The following MAP2K4 variants were observed in gnomAD, a reference collection of about 807,000 sequenced individuals.
The protein encoded by MAP2K4 is mitogen-activated protein kinase kinase 4.
MAP2K4 carries 4 observed loss-of-function variants against 48.5 expected under a neutral mutation model. That is an observed-to-expected ratio of 0.08 (90% confidence interval 0.04 to 0.19). MAP2K4 has a LOEUF of 0.19. Among genes scored for constraint, MAP2K4 ranks in the 10% least tolerant of loss-of-function variants. The probability of loss-of-function intolerance (pLI) is 1.00; values close to 1 mark genes in which losing one functional copy is unlikely to be tolerated. For synonymous variants in MAP2K4, 166 were observed against 173.1 expected (o/e 0.96, Z 0.32); for missense variants, 258 against 493.3 (o/e 0.52, Z 4.52).
intron 3 of MAP2K4, among the ~76,000 whole-genome samples, chr17:12,085,267 ATTG>A (rs1971322851): frequency 6.6e-6 from 1 of 152,142 alleles, no homozygotes; most frequent in Non-Finnish European, 1.5e-5. Context: ...TGGAATCTGA[ATTG>A]TTGTGTGAAG....
chr17:12,086,328 TG>T (rs1555547394), intron 3 of MAP2K4, among the ~76,000 whole-genome samples: 1 of 152,106 alleles, frequency 6.6e-6, no homozygotes, highest in Non-Finnish European at 1.5e-5. Context: ...ATATGAAAAG[TG>T]TAAGTAGAGC....
intron 2 of MAP2K4, among the ~76,000 whole-genome samples, chr17:12,080,525 A>T (rs982328113): frequency 2.6e-5 from 4 of 152,130 alleles, no homozygotes; most frequent in Non-Finnish European, 1.5e-5. Flanking sequence ...TTTGGAGATG[A>T]TTTTTTATTT....
chr17:12,107,960 T>TG (rs1972176169), intron 5 of MAP2K4, 51 bp downstream of exon 5: 9 of 1,438,508 alleles, frequency 6.3e-6, no homozygotes, highest in Non-Finnish European at 7.4e-6. Context: ...TATATAGAGA[T>TG]GCTGCTGGAG....
At chr17:12,089,321 C>T (rs534516519) in intron 3 of MAP2K4, among the ~76,000 whole-genome samples, 2 of 152,296 alleles carry the variant, frequency 1.3e-5, no homozygotes, top group Admixed American at 1.3e-4. Flanking sequence ...TAGCAGATTC[C>T]ACATAGATTG....
chr17:12,070,057 A>C (rs192092109), intron 2 of MAP2K4, among the ~76,000 whole-genome samples: 1 of 150,174 alleles, frequency 6.7e-6, no homozygotes, highest in Non-Finnish European at 1.5e-5. Flanking sequence ...TTTGGGAAAG[A>C]AGGTATATTT....
chr17:12,139,866 A>G lies in MAP2K4; in HGVS notation c.1068A>G (p.Pro356=), dbSNP rs748245878. ...LCLTKDESKR[P]KYKELLKHPF... is the part of the protein sequence containing the mutation. ...TTACGAAGGATGAATCCAAAAGGCC[A>G]AAGTATAAAGAGCTTCTGGTGAGTG... The change falls in exon 10 of 11, where the codon CCA becomes CCG. Residue 356 remains proline (P), a synonymous_variant. Transcript: ENST00000353533. 1.9e-6 allele frequency: 3 copies of G among 1,606,686 alleles called. No homozygotes were observed. The highest frequency in any genetic ancestry group is 2.2e-5 in the East Asian group (1 of 44,746).
chr17:12,116,235 C>CT (rs1487289978), intron 7 of MAP2K4, among the ~76,000 whole-genome samples: 3 of 152,018 alleles, frequency 2.0e-5, no homozygotes, highest in Non-Finnish European at 4.4e-5. Context: ...TTATTCAAAT[C>CT]TAAAAAAATA....
chr17:12,061,713 A>G (rs539268569), intron 2 of MAP2K4, among the ~76,000 whole-genome samples: 1 of 152,284 alleles, frequency 6.6e-6, no homozygotes, highest in African/African-American at 2.4e-5. Context: ...CTCCTTGAAG[A>G]TACATCTGAC....
intron 7 of MAP2K4, chr17:12,115,763 A>C: frequency 1.3e-6 from 1 of 759,528 alleles, no homozygotes. Context: ...TATGCAAAAG[A>C]ATGGAGCTGG....
At chr17:12,089,561 AG>A (rs1320734600) in intron 3 of MAP2K4, among the ~76,000 whole-genome samples, 1 of 152,224 alleles carries the variant, frequency 6.6e-6, no homozygotes, top group Non-Finnish European at 1.5e-5. Context: ...TTTCTGATCC[AG>A]GAACTCACCT....
At chr17:12,105,515 T>C (rs866101058) in intron 4 of MAP2K4, among the ~76,000 whole-genome samples, 82 of 152,122 alleles carry the variant, frequency 5.4e-4, no homozygotes, top group African/African-American at 1.8e-3. Flanking sequence ...GTTACCTTAG[T>C]AGTTGAGTTG....
At chr17:12,133,231 G>GCC (rs1973090849) in intron 9 of MAP2K4, among the ~76,000 whole-genome samples, 3 of 152,110 alleles carry the variant, frequency 2.0e-5, no homozygotes, top group African/African-American at 7.2e-5. Context: ...ACAGGCTCAT[G>GCC]CCACCATGCC....
intron 4 of MAP2K4, among the ~76,000 whole-genome samples, chr17:12,097,361 T>C (rs1377184365): frequency 6.6e-6 from 1 of 152,276 alleles, no homozygotes; most frequent in African/African-American, 2.4e-5. Flanking sequence ...TACCAATTTA[T>C]TTCATTTGTT....
intron 2 of MAP2K4, among the ~76,000 whole-genome samples, chr17:12,075,085 T>A (rs1458202898): frequency 6.6e-6 from 1 of 152,218 alleles, no homozygotes. Flanking sequence ...CTTGAAGACT[T>A]TGAGAAAGAG....
At chr17:12,102,797 A>C (rs1971976736) in intron 4 of MAP2K4, among the ~76,000 whole-genome samples, 1 of 151,832 alleles carries the variant, frequency 6.6e-6, no homozygotes. Flanking sequence ...AAATTATCAA[A>C]TTTATTGGAA....
intron 8 of MAP2K4, among the ~76,000 whole-genome samples, chr17:12,128,731 C>A (rs1247960449): frequency 1.3e-5 from 2 of 152,182 alleles, no homozygotes; most frequent in African/African-American, 4.8e-5. Context: ...AGGAGTCTAA[C>A]CACGATTATG....
At chr17:12,055,460 AT>A (rs1970255925) in intron 2 of MAP2K4, among the ~76,000 whole-genome samples, 1 of 152,128 alleles carries the variant, frequency 6.6e-6, no homozygotes, top group Non-Finnish European at 1.5e-5. Context: ...GATGTGAAAT[AT>A]TAAAAAACCT....
chr17:12,132,652 C>T (rs1280247707), intron 9 of MAP2K4, among the ~76,000 whole-genome samples: 1 of 151,516 alleles, frequency 6.6e-6, no homozygotes, highest in Non-Finnish European at 1.5e-5. Flanking sequence ...AAAAGGAAGA[C>T]CTTGCCGACT....
chr17:12,051,041 A>G (rs141916029), intron 1 of MAP2K4, among the ~76,000 whole-genome samples: 146 of 152,288 alleles, frequency 9.6e-4, no homozygotes, highest in African/African-American at 3.5e-3. Flanking sequence ...CCAGAATTTC[A>G]AGGATGATTC....
Sources: gnomAD v4.1 joint callset for allele counts (sites outside exome capture counted in the v4.1 genomes callset) on GRCh38, gnomAD v4.1.1 for gene constraint, MANE v1.5 for transcripts, NCBI Gene and HGNC (gene_info 2026-07-23, HGNC 2026-07-21) for gene names.